Variants in PDE4D observed in about 807,000 individuals in gnomAD.
The protein encoded by PDE4D is phosphodiesterase 4D, also known as 3',5'-cyclic-AMP phosphodiesterase 4D.
PDE4D carries 24 observed loss-of-function variants against 87.4 expected under a neutral mutation model. That is an observed-to-expected ratio of 0.27 (90% CI 0.20 to 0.39). PDE4D has a LOEUF of 0.39. PDE4D is among the 10% of genes least tolerant of loss of function. PDE4D has a pLI of 1.00. For missense variants in PDE4D, 714 were observed against 1,041.0 expected, an observed-to-expected ratio of 0.69 and a Z score of 4.32; for synonymous variants, 384 against 383.2, an observed-to-expected ratio of 1.00 and a Z score of -0.02.
chr5:59,835,480 A>C (rs1343282644), intron 1 of PDE4D, among the ~76,000 whole-genome samples: 1 of 152,026 alleles, frequency 6.6e-6, no homozygotes, highest in Admixed American at 6.6e-5. Context: ...ATGCCTTATC[A>C]CTGGGCTATG....
intron 1 of PDE4D, among the ~76,000 whole-genome samples, chr5:59,392,814 G>C (rs896250632): frequency 2.0e-5 from 3 of 152,116 alleles, no homozygotes; most frequent in Non-Finnish European, 4.4e-5. Flanking sequence ...CTGAAAGGGA[G>C]AGTGACAGGA....
At chr5:59,698,226 T>G (rs1386494914) in intron 1 of PDE4D, among the ~76,000 whole-genome samples, 1 of 152,050 alleles carries the variant, frequency 6.6e-6, no homozygotes, top group East Asian at 1.9e-4. Flanking sequence ...AGCATTCTCT[T>G]TAGGGACAAG....
intron 1 of PDE4D, chr5:60,335,109 T>G (rs1757632712): frequency 6.6e-6 from 1 of 152,244 alleles, no homozygotes. Context: ...CCATGCTCCT[T>G]GCAATTTCCA....
In PDE4D at chr5:58,977,236, C is replaced by T. The variant is rs777344960; in HGVS notation, c.1662G>A (p.Leu554=). Residue 554 remains leucine, a synonymous_variant, in exon 12 of 15, where the codon TTG becomes TTA. Transcript: ENST00000340635. ...QEENCDIFQN[L]TKKQRQSLRK... The stretch of plus-strand genomic sequence containing the variant: ...TTAAAGATTGTCTTTGTTTTTTGGT[C>T]AAATTCTGGAAAATGTCACAGTTTT... The T allele has an allele frequency of 1.2e-6, 2 of 1,612,202 alleles. No individual in the cohort carries two copies. The highest frequency in any genetic ancestry group is 2.7e-5 in the African/African-American group (2 of 74,744).
At chr5:59,845,361 C>G (rs11951422) in intron 1 of PDE4D, among the ~76,000 whole-genome samples, 51 of 152,050 alleles carry the variant, frequency 3.4e-4, no homozygotes, top group African/African-American at 1.2e-3. Context: ...CCATCCCTGG[C>G]GCCACCTATA....
Position 59,331,244 on chromosome 5 carries a change from A to T in PDE4D, c.456-115276T>A, listed in dbSNP as rs543849566. On this transcript the variant is annotated intron_variant, in intron 1 of 14. Coordinates refer to ENST00000340635, the MANE Select transcript of PDE4D (RefSeq NM_001104631.2). ...TACCACAGACTTAGGTGGCTTTAAC[A>T]ATAGAAACTTATGTTTTAAAACAGT... Among the ~76,000 whole-genome samples, 31 of 152,318 alleles carry T rather than the reference A, an allele frequency of 2.0e-4. 1 individual carries two copies. The highest frequency in any genetic ancestry group is 6.8e-3 in the Middle Eastern group (2 of 294).
Position 59,038,970 on chromosome 5 carries a change from C to T in PDE4D, c.810G>A (p.Glu270=), listed in dbSNP as rs1477614082. The T allele has an allele frequency of 1.3e-6, 2 of 1,578,522 alleles. No individual in the cohort carries two copies. Among genetic ancestry groups the T allele is most frequent in the East Asian group, 2.3e-5 (1 of 43,014 alleles). The change falls in exon 6 of 15, where the codon GAG becomes GAA. Residue 270 remains glutamate, a splice_region_variant and synonymous_variant. Coordinates refer to ENST00000340635, the MANE Select transcript of PDE4D (RefSeq NM_001104631.2). Reference sequence around the variant, plus strand: ...CGCTGGCCAGTTTCTGGTAGGCCTCCTCTGCGAAGAGACAGGGAAAGGGGG... The same window carrying T: ...CGCTGGCCAGTTTCTGGTAGGCCTCTTCTGCGAAGAGACAGGGAAAGGGGG... The part of the protein sequence containing the change: ...QPSINKATIT[E]EAYQKLASET...
At chr5:59,706,075 T>C (rs369905845) in intron 1 of PDE4D, among the ~76,000 whole-genome samples, 2 of 152,124 alleles carry the variant, frequency 1.3e-5, no homozygotes, top group African/African-American at 4.8e-5. Context: ...TTTCAGAGAT[T>C]TTTTTATGTT....
intron 1 of PDE4D, among the ~76,000 whole-genome samples, chr5:60,519,980 G>A (rs961012798): frequency 3.9e-5 from 6 of 152,156 alleles, no homozygotes; most frequent in African/African-American, 7.2e-5. Context: ...AAAACCAATC[G>A]TTGAGAGACT....
At chr5:59,805,906 C>A (rs918476229) in intron 1 of PDE4D, among the ~76,000 whole-genome samples, 3 of 152,278 alleles carry the variant, frequency 2.0e-5, no homozygotes, top group African/African-American at 7.2e-5. Flanking sequence ...GCCACCTCCC[C>A]GTCTGTCAGG....
chr5:60,394,926 G>A (rs953549619), intron 1 of PDE4D, among the ~76,000 whole-genome samples: 6 of 152,108 alleles, frequency 3.9e-5, no homozygotes, highest in African/African-American at 1.2e-4. Flanking sequence ...CCAAAACTCA[G>A]CAACCCAAGG....
chr5:60,212,800 G>T (rs898428515), intron 1 of PDE4D, among the ~76,000 whole-genome samples: 23 of 152,190 alleles, frequency 1.5e-4, no homozygotes, highest in African/African-American at 5.5e-4. Flanking sequence ...AATACTAGGG[G>T]TACACAGAAT....
At chr5:59,512,305 A>G (rs1810418422) in intron 1 of PDE4D, among the ~76,000 whole-genome samples, 3 of 152,174 alleles carry the variant, frequency 2.0e-5, no homozygotes, top group African/African-American at 4.8e-5. Flanking sequence ...CTCTGTTTCC[A>G]TTAAGGTTAT....
At position 59,205,179 on chromosome 5, in the gene PDE4D, T is replaced by C. The variant is rs796808108; in HGVS notation, c.647+10598A>G. On this transcript the variant is annotated intron_variant, in intron 2 of 14. Coordinates refer to ENST00000340635, the MANE Select transcript of PDE4D (RefSeq NM_001104631.2). ...TCAGTGGTCCTTGTCAAAGTCAGAG[T>C]GTACATGGACCATGCAGTGAGATTT... Among the ~76,000 whole-genome samples, 15 of 151,922 alleles carry C rather than the reference T, an allele frequency of 9.9e-5. 1 individual carries two copies. The highest frequency in any genetic ancestry group is 2.7e-4 in the African/African-American group (11 of 41,386).
At chr5:59,353,363 T>A (rs1344367638) in intron 1 of PDE4D, among the ~76,000 whole-genome samples, 1 of 18,738 alleles carries the variant, frequency 5.3e-5, no homozygotes, top group African/African-American at 3.7e-4. Context: ...TTTTCCCCAT[T>A]TTTTTTTTTT....
At chr5:59,601,976 A>G (rs1447189791) in intron 1 of PDE4D, among the ~76,000 whole-genome samples, 4 of 152,114 alleles carry the variant, frequency 2.6e-5, no homozygotes, top group Admixed American at 2.6e-4. Context: ...ACAAAAAAAG[A>G]AAACTACAGG....
At chr5:59,880,608 A>T (rs1047470911) in intron 1 of PDE4D, among the ~76,000 whole-genome samples, 1 of 152,222 alleles carries the variant, frequency 6.6e-6, no homozygotes, top group Non-Finnish European at 1.5e-5. Flanking sequence ...GGAGATAGAA[A>T]TGTTTAAAAG....
At chr5:59,108,419 A>G (rs949644428) in intron 5 of PDE4D, among the ~76,000 whole-genome samples, 1 of 152,156 alleles carries the variant, frequency 6.6e-6, no homozygotes, top group Admixed American at 6.5e-5. Flanking sequence ...TAACAGTAGC[A>G]CTTTAGATGG....
chr5:59,619,386 T>A (rs1830087753), intron 1 of PDE4D, among the ~76,000 whole-genome samples: 1 of 152,162 alleles, frequency 6.6e-6, no homozygotes, highest in Non-Finnish European at 1.5e-5. Context: ...ATAAAGGGAA[T>A]GCCTGAGAAG....
Sources: allele counts gnomAD v4.1 joint callset (sites outside exome capture counted in the v4.1 genomes callset), GRCh38; gene constraint gnomAD v4.1.1; transcripts MANE v1.5; gene names NCBI Gene and HGNC (gene_info 2026-07-23, HGNC 2026-07-21).